The following DST variants were observed in gnomAD, a reference collection of about 807,000 sequenced individuals.
The protein encoded by DST is bullous pemphigoid antigen.
In DST, 253 loss-of-function variants were observed where a neutral mutation model predicts 875.2. The observed-to-expected ratio is 0.29, with a 90% CI of 0.26 to 0.32. The LOEUF (loss-of-function observed/expected upper bound fraction) is 0.32. Among genes scored for constraint, DST ranks in the 10% least tolerant of loss-of-function variants. DST has a pLI of 1.00. For synonymous variants in DST, 3,124 were observed against 3,197.1 expected, an observed-to-expected ratio of 0.98 and a Z score of 0.77; for missense variants, 8,287 against 9,111.6, an observed-to-expected ratio of 0.91 and a Z score of 3.68.
At chr6:56,590,209 A>G (rs1383566415) in intron 49 of DST, among the ~76,000 whole-genome samples, 1 of 152,180 alleles carries the variant, frequency 6.6e-6, no homozygotes, top group South Asian at 2.1e-4. Flanking sequence ...TAGGACTGTA[A>G]GAGTCTTCTG....
At chr6:56,836,244 T>C (rs892170569) in intron 4 of DST, among the ~76,000 whole-genome samples, 1 of 152,172 alleles carries the variant, frequency 6.6e-6, no homozygotes, top group Non-Finnish European at 1.5e-5. Flanking sequence ...ATAATGACAC[T>C]AAAAATATAT....
rs142812556 is a variant in DST at position 56,669,493 on chromosome 6, G to A, written c.1214+1148C>T. ...TGCCTGTAGTCCCAGCTTCTCAGGA[G>A]GCTGAGGCAGGAGAATCGCTTGAAC... On this transcript the variant is annotated intron_variant, in intron 10 of 103. Coordinates refer to ENST00000680361, the MANE Select transcript of DST (RefSeq NM_001374736.1). 7.7e-3 allele frequency among the ~76,000 whole-genome samples: 1,176 copies of A among 151,810 alleles called. 13 individuals are homozygous for A. The highest frequency in any genetic ancestry group is 0.027 in the African/African-American group (1,133 of 41,314).
At chr6:56,838,037 G>A (rs1054555371) in intron 4 of DST, among the ~76,000 whole-genome samples, 5 of 151,976 alleles carry the variant, frequency 3.3e-5, no homozygotes, top group African/African-American at 1.2e-4. Flanking sequence ...TGTAATCCCT[G>A]AAATATTAAG....
rs1378096329 is a variant in DST at position 56,634,947 on chromosome 6, T to C, written c.3193A>G (p.Lys1065Glu). The change falls in exon 25 of 104, where the codon AAA becomes GAA. Residue 1065 changes from lysine to glutamate, a missense_variant. Around this residue, in one of 10 missense-constraint regions of DST, gnomAD observed 1,160 missense variants for 1,424.3 expected, o/e 0.81. Coordinates refer to ENST00000680361, the MANE Select transcript of DST (RefSeq NM_001374736.1). ...EDLVQESMEEKEELLQYKSTI... is the reference protein window; with the variant it reads ...EDLVQESMEEEEELLQYKSTI... ...CTTTTGTACTGCAGAAGTTCTTCTT[T>C]CTCTTCCTAAGTAATAAATACAGTG... The C allele has an allele frequency of 6.2e-7, 1 of 1,611,442 alleles. No homozygotes were observed. Among genetic ancestry groups the C allele is most frequent in the Non-Finnish European group, 8.5e-7 (1 of 1,178,314 alleles).
rs573875073 is a variant in DST at position 56,509,974 on chromosome 6, A to C, written c.18781-101T>G. The stretch of plus-strand genomic sequence containing the variant: ...TTTTTTACAATTTAATGTCAGAATT[A>C]AGAATAAATCTTAGCCTCTTTATCA... On this transcript the variant is annotated intron_variant, in intron 73 of 103. Coordinates refer to ENST00000680361, the MANE Select transcript of DST (RefSeq NM_001374736.1). The C allele has an allele frequency of 8.9e-5, 84 of 942,918 alleles. 2 individuals are homozygous for C. The South Asian group carries it at 1.5e-3, about 17-fold the overall frequency. The allele number at this position is 942,918 out of a possible 1,614,324, so 58.4% of individuals were successfully genotyped here. A position where few individuals can be genotyped will look rare whatever the true frequency, so the allele number is the denominator to read the frequency against.
At chr6:56,944,719 A>T (rs1309978700) in intron 2 of DST, among the ~76,000 whole-genome samples, 1 of 152,168 alleles carries the variant, frequency 6.6e-6, no homozygotes, top group Non-Finnish European at 1.5e-5. Context: ...CTACTGAAGG[A>T]TTTTAAGTAG....
At chr6:56,493,979 C>G in intron 83 of DST, 31 bp downstream of exon 83, 1 of 1,464,706 alleles carries the variant, frequency 6.8e-7, no homozygotes, top group Non-Finnish European at 9.1e-7. Context: ...AACTAAAACA[C>G]TGATTCTATT....
chr6:56,796,385 G>A (rs1334360851), intron 4 of DST, among the ~76,000 whole-genome samples: 1 of 152,202 alleles, frequency 6.6e-6, no homozygotes, highest in African/African-American at 2.4e-5. Flanking sequence ...ACTAATGAAT[G>A]TGGTAACTAC....
intron 9 of DST, among the ~76,000 whole-genome samples, chr6:56,673,911 A>C (rs1308037659): frequency 6.6e-6 from 1 of 152,210 alleles, no homozygotes; most frequent in African/African-American, 2.4e-5. Context: ...TCATCCTCTT[A>C]TAGCAATTTA....
intron 9 of DST, among the ~76,000 whole-genome samples, chr6:56,694,038 CATAT>C (rs558152876): frequency 6.8e-6 from 1 of 146,796 alleles, no homozygotes. Flanking sequence ...TATGTGCATT[CATAT>C]ATATATATAT....
At chr6:56,668,951 C>T (rs2099085810) in intron 10 of DST, among the ~76,000 whole-genome samples, 1 of 151,810 alleles carries the variant, frequency 6.6e-6, no homozygotes, top group Non-Finnish European at 1.5e-5. Flanking sequence ...AACGGGATGT[C>T]AAATCAAACA....
intron 2 of DST, among the ~76,000 whole-genome samples, chr6:56,911,418 CTG>C (rs796803446): frequency 1.7e-4 from 26 of 152,268 alleles, no homozygotes; most frequent in African/African-American, 6.0e-4. Flanking sequence ...TTCATGGAAA[CTG>C]TGTGCCTCTG....
chr6:56,620,006 G>T lies in DST; in HGVS notation c.4929+4524C>A. Reference sequence around the variant, plus strand: ...ACCCGTTACTGCCCTGCATGATGTAGCCTGTGTGATCGGACACACTGGCAA... The same window carrying T: ...ACCCGTTACTGCCCTGCATGATGTATCCTGTGTGATCGGACACACTGGCAA... On this transcript the variant is annotated intron_variant, in intron 36 of 103. Transcript: ENST00000680361. The T allele has an allele frequency of 6.2e-7, 1 of 1,614,028 alleles. No individual in the cohort carries two copies. Among genetic ancestry groups the T allele is most frequent in the Non-Finnish European group, 8.5e-7 (1 of 1,179,992 alleles).
At chr6:56,824,610 G>A (rs1191393023) in intron 4 of DST, among the ~76,000 whole-genome samples, 1 of 150,642 alleles carries the variant, frequency 6.6e-6, no homozygotes, top group Non-Finnish European at 1.5e-5. Flanking sequence ...AAGCGCCTCT[G>A]CCCCGCTGCC....
In DST at chr6:56,516,159, G is replaced by GAA. The variant is rs1287710251; in HGVS notation, c.18358-492_18358-491insTT. Among the ~76,000 whole-genome samples the GAA allele has an allele frequency of 4.9e-3, 500 of 101,050 alleles. 3 individuals carry two copies. The highest frequency in any genetic ancestry group is 5.1e-3 in the Non-Finnish European group (237 of 46,128). The allele number at this position is 101,050 out of a possible 152,430, so 66.3% of individuals were successfully genotyped here. A position where few individuals can be genotyped will look rare whatever the true frequency, so the allele number is the denominator to read the frequency against. On this transcript the variant is annotated intron_variant, in intron 71 of 103. Transcript: ENST00000680361. ...AGAGAGAGAGAGAGAAAGAGAAAGA[G>GAA]AGAAAGAGAAAGAGAAAGAAAGAGA...
chr6:56,526,248 G>T, intron 69 of DST, 113 bp downstream of exon 69: 1 of 1,135,490 alleles, frequency 8.8e-7, no homozygotes, highest in Non-Finnish European at 1.2e-6. Flanking sequence ...CTTTCATTTT[G>T]GAAGCACAGC....
intron 3 of DST, chr6:56,871,529 C>T: frequency 7.7e-7 from 1 of 1,305,436 alleles, no homozygotes; most frequent in Non-Finnish European, 1.1e-6. Flanking sequence ...ATTCTCTGGT[C>T]ATTGAGCATA....
At chr6:56,721,917 AG>A (rs2152912996) in intron 5 of DST, among the ~76,000 whole-genome samples, 2 of 152,366 alleles carry the variant, frequency 1.3e-5, no homozygotes, top group South Asian at 4.1e-4. Flanking sequence ...ATACAGGGCC[AG>A]AAAGTATTTT....
At chr6:56,881,091 C>CA (rs1781973417) in intron 3 of DST, among the ~76,000 whole-genome samples, 2 of 151,928 alleles carry the variant, frequency 1.3e-5, no homozygotes, top group South Asian at 4.1e-4. Flanking sequence ...CCTCATGATC[C>CA]ACCCGCCTCG....
Sources: gnomAD v4.1 joint callset for allele counts (sites outside exome capture counted in the v4.1 genomes callset) on GRCh38, gnomAD v4.1.1 for gene constraint, gnomAD v4.1.1 regional missense constraint, MANE v1.5 for transcripts, NCBI Gene and HGNC (gene_info 2026-07-23, HGNC 2026-07-21) for gene names.